The following TBC1D8 variants were observed in gnomAD, a reference collection of about 807,000 sequenced individuals.
TBC1D8 encodes BUB2-like protein 1.
Under a neutral mutation model 118.8 loss-of-function variants are expected in TBC1D8, and 65 were observed. The observed-to-expected ratio is 0.55, with a 90% CI of 0.45 to 0.67. The LOEUF (loss-of-function observed/expected upper bound fraction) is 0.67. Among genes scored for constraint, TBC1D8 ranks in the 30% least tolerant of loss-of-function variants. TBC1D8 has a pLI of 0.00. For missense variants in TBC1D8, 1,376 were observed against 1,471.2 expected (o/e 0.94, Z 1.06); for synonymous variants, 566 against 595.8 (o/e 0.95, Z 0.73).
At position 101,141,689 on chromosome 2, in the gene TBC1D8, C is replaced by T. The variant is rs1209841002; in HGVS notation, c.127+9438G>A. 2.0e-5 allele frequency among the ~76,000 whole-genome samples: 3 copies of T among 151,508 alleles called. No homozygotes were observed. In the East Asian group the frequency reaches 5.8e-4, roughly 29 times the overall value. ...GGGAAAAGACTGATACATCTGACTG[C>T]ATGAAAATTAACAATGTGAGTTCAA... is the stretch of plus-strand genomic sequence containing the variant. On this transcript the variant is annotated intron_variant, in intron 1 of 19. Transcript: ENST00000409318.
At chr2:101,029,392 A>G in intron 12 of TBC1D8, 99 bp downstream of exon 12, 1 of 1,307,212 alleles carries the variant, frequency 7.6e-7, no homozygotes, top group Non-Finnish European at 1.0e-6. Context: ...ACTCTGTCTC[A>G]ATAAAAAAAA....
chr2:101,105,887 A>G (rs1677178021), intron 1 of TBC1D8, among the ~76,000 whole-genome samples: 2 of 152,152 alleles, frequency 1.3e-5, no homozygotes. Flanking sequence ...TGACGTAAAA[A>G]CATATGTCTA....
intron 1 of TBC1D8, among the ~76,000 whole-genome samples, chr2:101,147,190 T>G (rs1026596597): frequency 1.1e-4 from 16 of 150,240 alleles, no homozygotes; most frequent in Non-Finnish European, 1.5e-5. Context: ...CTGTTGTATA[T>G]ATCTCACATT....
chr2:101,147,933 C>T, intron 1 of TBC1D8, among the ~76,000 whole-genome samples: 1 of 152,016 alleles, frequency 6.6e-6, no homozygotes, highest in East Asian at 1.9e-4. Flanking sequence ...TCCAGAGTAG[C>T]AATATCACTT....
intron 1 of TBC1D8, among the ~76,000 whole-genome samples, chr2:101,117,734 T>C (rs1361559349): frequency 1.3e-5 from 2 of 151,926 alleles, no homozygotes; most frequent in East Asian, 3.9e-4. Flanking sequence ...CCACCATGCC[T>C]GGCTAATTTT....
intron 1 of TBC1D8, among the ~76,000 whole-genome samples, chr2:101,091,556 C>T (rs1676034312): frequency 6.6e-6 from 1 of 152,074 alleles, no homozygotes; most frequent in South Asian, 2.1e-4. Flanking sequence ...GAGATCTCAT[C>T]TCTACAGAAA....
At chr2:101,050,868 C>T (rs1234627064) in intron 4 of TBC1D8, among the ~76,000 whole-genome samples, 1 of 152,194 alleles carries the variant, frequency 6.6e-6, no homozygotes, top group Non-Finnish European at 1.5e-5. Context: ...AGGTGTTAAG[C>T]CTGGTACCCA....
chr2:101,073,380 C>T (rs568560318), intron 2 of TBC1D8, among the ~76,000 whole-genome samples: 223 of 151,606 alleles, frequency 1.5e-3, no homozygotes, highest in Non-Finnish European at 2.5e-3. Flanking sequence ...CTGCAACCTC[C>T]GCCTCCTGGG....
intron 5 of TBC1D8, 69 bp from the exon 6 acceptor site, chr2:101,040,454 A>C: frequency 7.0e-7 from 1 of 1,431,966 alleles, no homozygotes; most frequent in Non-Finnish European, 9.5e-7. Flanking sequence ...TTACAAAGGA[A>C]AATACTTTTC....
intron 1 of TBC1D8, among the ~76,000 whole-genome samples, chr2:101,115,900 G>A (rs1677797483): frequency 6.6e-6 from 1 of 152,138 alleles, no homozygotes; most frequent in Non-Finnish European, 1.5e-5. Context: ...ACGCCAGCAA[G>A]GCCAGCCACC....
chr2:101,100,389 C>G (rs886513892), intron 1 of TBC1D8, among the ~76,000 whole-genome samples: 1 of 152,158 alleles, frequency 6.6e-6, no homozygotes, highest in African/African-American at 2.4e-5. Context: ...AAAAACATTT[C>G]ATCCTCATGG....
chr2:101,046,022 C>T (rs1254414044), intron 5 of TBC1D8, among the ~76,000 whole-genome samples: 1 of 152,080 alleles, frequency 6.6e-6, no homozygotes, highest in Non-Finnish European at 1.5e-5. Flanking sequence ...TTAACTAAAT[C>T]AAATCAAATC....
chr2:101,022,694 T>G (rs536164763), intron 15 of TBC1D8, among the ~76,000 whole-genome samples, 173 bp from the exon 16 acceptor site: 1 of 152,362 alleles, frequency 6.6e-6, no homozygotes, highest in South Asian at 2.1e-4. Flanking sequence ...AATTTTCACG[T>G]TGGTTTTTTT....
In TBC1D8 at chr2:101,029,748, C is replaced by CAG; in HGVS notation, c.1964_1965insCT (p.Glu655AspfsTer16). 1 of 1,613,820 alleles carries CAG rather than the reference C, an allele frequency of 6.2e-7. No homozygotes were observed. Among genetic ancestry groups the CAG allele is most frequent in the Middle Eastern group, 1.6e-4 (1 of 6,062 alleles). On this transcript the variant is annotated frameshift_variant, in exon 12 of 20. Coordinates refer to ENST00000409318, the MANE Select transcript of TBC1D8 (RefSeq NM_001330348.2). LOFTEE classifies it high-confidence loss of function. ...CTGGGAGATGACCCTTGATGAGCTC[C>CAG]TCGAAGACAGACTGGTCAACTTGTG...
chr2:101,130,907 T>C (rs1678564620), intron 1 of TBC1D8, among the ~76,000 whole-genome samples: 1 of 152,196 alleles, frequency 6.6e-6, no homozygotes, highest in Non-Finnish European at 1.5e-5. Context: ...AACACTGCAA[T>C]AATGCATATA....
At chr2:101,032,703 A>G (rs1187778337) in intron 10 of TBC1D8, 1 of 244,162 alleles carries the variant, frequency 4.1e-6, no homozygotes, top group Non-Finnish European at 7.9e-6. Context: ...ACACACATGC[A>G]CACACGTGCA....
intron 2 of TBC1D8, among the ~76,000 whole-genome samples, chr2:101,079,686 T>TG (rs574783945): frequency 2.1e-5 from 3 of 140,428 alleles, no homozygotes; most frequent in South Asian, 4.9e-4. Flanking sequence ...TCTGGTTTTT[T>TG]TTTTTTTTTT....
rs192680594 is a variant in TBC1D8, at chr2:101,082,691, G to A, written c.283+7518C>T. Among the ~76,000 whole-genome samples, 362 of 152,284 alleles carry A rather than the reference G, an allele frequency of 2.4e-3. 9 individuals carry two copies. The South Asian group carries it at 0.057, about 24-fold the overall frequency. On this transcript the variant is annotated intron_variant, in intron 2 of 19. Coordinates refer to ENST00000409318, the MANE Select transcript of TBC1D8 (RefSeq NM_001330348.2). ...GGTCACCAAAAGACCAACACTGCTC[G>A]AGCCCACTAACACGAGGTGCCCGAG...
intron 2 of TBC1D8, among the ~76,000 whole-genome samples, chr2:101,078,748 C>A: frequency 4.0e-5 from 3 of 75,170 alleles, no homozygotes; most frequent in African/African-American, 5.4e-5. Context: ...AAAAACCTTT[C>A]TTAGCAAAAA....
Sources: gnomAD v4.1 joint callset for allele counts (sites outside exome capture counted in the v4.1 genomes callset) on GRCh38, gnomAD v4.1.1 for gene constraint, MANE v1.5 for transcripts, NCBI Gene and HGNC (gene_info 2026-07-23, HGNC 2026-07-21) for gene names.